RNF220: variants seen among roughly 807,000 people sequenced by gnomAD.
RNF220 encodes the protein ring finger protein 220, also known as E3 ubiquitin-protein ligase RNF220.
In RNF220, 7 loss-of-function variants were observed where a neutral mutation model predicts 67.1. That is an observed-to-expected ratio of 0.10 (90% CI 0.06 to 0.20). RNF220 has a LOEUF of 0.20. RNF220 is among the 10% of genes least tolerant of loss of function. The pLI, the probability that RNF220 is intolerant of heterozygous loss-of-function variation, is 1.00. For missense variants in RNF220, 565 were observed against 740.3 expected (o/e 0.76, Z 2.75); for synonymous variants, 270 against 283.2 (o/e 0.95, Z 0.47).
intron 8 of RNF220, among the ~76,000 whole-genome samples, chr1:44,637,395 C>T (rs1019044001): frequency 2.0e-5 from 3 of 152,238 alleles, no homozygotes; most frequent in South Asian, 4.1e-4. Flanking sequence ...GTACTGGAGC[C>T]TTCGAGTATC....
chr1:44,585,279 C>T (rs536834326), intron 2 of RNF220, among the ~76,000 whole-genome samples: 1 of 152,312 alleles, frequency 6.6e-6, no homozygotes, highest in South Asian at 2.1e-4. Context: ...CCCATTTCCT[C>T]ATGTCCGTCT....
intron 2 of RNF220, among the ~76,000 whole-genome samples, chr1:44,418,122 A>G (rs112063481): frequency 5.2e-5 from 7 of 133,836 alleles, no homozygotes; most frequent in South Asian, 2.2e-4. Context: ...GTGACGGATA[A>G]GGGGGGGGCG....
chr1:44,607,304 C>T (rs1033376548), intron 2 of RNF220, among the ~76,000 whole-genome samples: 3 of 152,156 alleles, frequency 2.0e-5, no homozygotes, highest in Admixed American at 1.3e-4. Flanking sequence ...GATGGCTTCT[C>T]ATTGTATGTT....
rs1479142369 is a variant in RNF220, at chr1:44,622,305, A to G, written c.759-437A>G. Among the ~76,000 whole-genome samples, 2 of 152,108 alleles carry G rather than the reference A, an allele frequency of 1.3e-5. No homozygotes were observed. The highest frequency in any genetic ancestry group is 2.9e-5 in the Non-Finnish European group (2 of 68,016). ...GGGGAGATCATTCCTGGCCTAACAC[A>G]GTTTGCAGCATGTTGGAGGGAGAAT... On this transcript the variant is annotated intron_variant, in intron 3 of 14. Transcript: ENST00000361799. This position sits in a 1 kb window ranked among gnomAD's most constrained non-coding sequence, Gnocchi z 4.3.
At chr1:44,527,621 A>G (rs1660477715) in intron 2 of RNF220, among the ~76,000 whole-genome samples, 1 of 151,976 alleles carries the variant, frequency 6.6e-6, no homozygotes, top group Non-Finnish European at 1.5e-5. Flanking sequence ...CATTAAATAG[A>G]TGAATTAAAA....
At chr1:44,551,540 T>C (rs166589) in intron 2 of RNF220, among the ~76,000 whole-genome samples, 94,603 of 152,060 alleles carry the variant, frequency 0.62, 30,549 homozygotes, top group Non-Finnish European at 0.71. Context: ...TTTAAAAAGC[T>C]GTTGATACGT....
intron 2 of RNF220, among the ~76,000 whole-genome samples, chr1:44,466,356 C>T (rs12730027): frequency 0.31 from 46,697 of 152,022 alleles, 7,356 homozygotes; most frequent in Middle Eastern, 0.41. Context: ...GGTCTTGAAA[C>T]CCTCAAAGTC....
At chr1:44,561,140 T>C (rs1663536327) in intron 2 of RNF220, among the ~76,000 whole-genome samples, 2 of 152,220 alleles carry the variant, frequency 1.3e-5, no homozygotes, top group African/African-American at 4.8e-5. Context: ...AACAGTGTGA[T>C]AAAGATACTG....
rs762629593 is a variant in RNF220, at chr1:44,412,745, T to A, written c.625+23T>A. On this transcript the variant is annotated intron_variant, in intron 2 of 14. Transcript: ENST00000361799. The surrounding 1 kb of genome is among the most constrained non-coding windows in gnomAD (Gnocchi z 5.3). Reference sequence around the variant, plus strand: ...GATGTAAGTACTTTGGTTCCAGCCCTCCCTTACCCCCAGTAAGCCCTGCCT... The same window carrying A: ...GATGTAAGTACTTTGGTTCCAGCCCACCCTTACCCCCAGTAAGCCCTGCCT... 1.9e-6 allele frequency: 3 copies of A among 1,600,696 alleles called. No individual in the cohort carries two copies. In the South Asian group the frequency reaches 3.4e-5, roughly 18 times the overall value.
chr1:44,518,446 A>T (rs997603083), intron 2 of RNF220, among the ~76,000 whole-genome samples: 6 of 152,024 alleles, frequency 3.9e-5, no homozygotes, highest in African/African-American at 1.5e-4. Context: ...ATGCAAATAA[A>T]CCCACCTCTT....
chr1:44,583,473 C>T (rs1572951166), intron 2 of RNF220, among the ~76,000 whole-genome samples: 2 of 152,198 alleles, frequency 1.3e-5, no homozygotes, highest in Admixed American at 6.5e-5. Context: ...TTATGAAGTT[C>T]AGCATGTCCC....
rs1663886178 is a variant in RNF220 at position 44,565,014 on chromosome 1, T to G, written c.626-49151T>G. 1.3e-5 allele frequency among the ~76,000 whole-genome samples: 2 copies of G among 151,208 alleles called. No individual in the cohort carries two copies. The highest frequency in any genetic ancestry group is 1.5e-5 in the Non-Finnish European group (1 of 68,026). ...CCCTGCACATAGCATGGGCCTGGCC[T>G]GAATCAACTCTATCCTTAGCACATA... On this transcript the variant is annotated intron_variant, in intron 2 of 14. Coordinates refer to ENST00000361799, the MANE Select transcript of RNF220 (RefSeq NM_018150.4). The surrounding 1 kb of genome is among the most constrained non-coding windows in gnomAD (Gnocchi z 4.2).
chr1:44,412,541 A>T lies in RNF220; in HGVS notation c.444A>T (p.Thr148=). Residue 148 remains threonine (T), a synonymous_variant, in exon 2 of 15, where the codon ACA becomes ACT. Transcript: ENST00000361799. This position sits in a 1 kb window ranked among gnomAD's most constrained non-coding sequence, Gnocchi z 5.3. ...AGCGACTTAAGAACTGCCATGACAC[A>T]GAGTCTCCCCACTTGCGCTTCTCAG... is the stretch of plus-strand genomic sequence containing the variant. The part of the protein sequence containing the change: ...PAKRLKNCHD[T]ESPHLRFSDA... The T allele has an allele frequency of 6.2e-7, 1 of 1,614,194 alleles. No homozygotes were observed. Among genetic ancestry groups the T allele is most frequent in the South Asian group, 1.1e-5 (1 of 91,082 alleles).
At chr1:44,504,033 TA>T (rs1303070058) in intron 2 of RNF220, among the ~76,000 whole-genome samples, 1 of 152,086 alleles carries the variant, frequency 6.6e-6, no homozygotes, top group Non-Finnish European at 1.5e-5. Flanking sequence ...TTATTTTTAG[TA>T]GAGATGGGTT....
At chr1:44,601,548 G>C (rs930945075) in intron 2 of RNF220, among the ~76,000 whole-genome samples, 1 of 152,128 alleles carries the variant, frequency 6.6e-6, no homozygotes, top group Non-Finnish European at 1.5e-5. Flanking sequence ...CAGGAGAAGT[G>C]ATTAGGCTAA....
chr1:44,414,407 G>A (rs1648314972), intron 2 of RNF220, among the ~76,000 whole-genome samples: 1 of 152,122 alleles, frequency 6.6e-6, no homozygotes, highest in South Asian at 2.1e-4. Flanking sequence ...GTAACATCTG[G>A]AGATTGAGAT....
intron 2 of RNF220, among the ~76,000 whole-genome samples, chr1:44,553,211 G>T (rs1662807851): frequency 6.7e-6 from 1 of 148,396 alleles, no homozygotes; most frequent in Admixed American, 6.8e-5. Flanking sequence ...TTCTAATAAG[G>T]TTATCTTCTT....
intron 2 of RNF220, among the ~76,000 whole-genome samples, chr1:44,531,632 C>T (rs1426508497): frequency 3.9e-5 from 6 of 152,180 alleles, no homozygotes; most frequent in African/African-American, 9.7e-5. Context: ...AGATTTCTGA[C>T]TTTTCCCTTC....
In RNF220 at chr1:44,614,304, C is replaced by T; in HGVS notation, c.758+7C>T. On this transcript the variant is annotated splice_region_variant and intron_variant, in intron 3 of 14. Transcript: ENST00000361799. ...TAGCCCAACTGCCCTCGAGGTAAGC[C>T]ACCTCCCAGGGAGCCTGCCTGCTGG... 1 of 1,613,336 alleles carries T rather than the reference C, an allele frequency of 6.2e-7. No homozygotes were observed. The highest frequency in any genetic ancestry group is 1.7e-4 in the Middle Eastern group (1 of 6,028).
Sources: gnomAD v4.1 joint callset for allele counts (sites outside exome capture counted in the v4.1 genomes callset) on GRCh38, gnomAD v4.1.1 for gene constraint, Gnocchi (gnomAD v3.1) non-coding constraint, MANE v1.5 for transcripts, NCBI Gene and HGNC (gene_info 2026-07-23, HGNC 2026-07-21) for gene names.